KLHL1: variants seen among roughly 807,000 people sequenced by gnomAD.
The protein encoded by KLHL1 is kelch-like protein 1.
In KLHL1, 47 loss-of-function variants were observed where a neutral mutation model predicts 77.7. That is an observed-to-expected ratio of 0.60 (90% confidence interval 0.48 to 0.77). KLHL1 has a LOEUF of 0.77. Ranked by LOEUF, KLHL1 falls within the 30% of genes least tolerant of loss-of-function variation. The probability of loss-of-function intolerance (pLI) is 0.00; values close to 1 mark genes in which losing one functional copy is unlikely to be tolerated. For missense variants in KLHL1, 925 were observed against 910.8 expected (o/e 1.02, Z -0.20); for synonymous variants, 360 against 325.2 (o/e 1.11, Z -1.15).
chr13:69,823,716 A>T (rs1878432693), intron 6 of KLHL1, among the ~76,000 whole-genome samples: 1 of 152,074 alleles, frequency 6.6e-6, no homozygotes, highest in Non-Finnish European at 1.5e-5. Flanking sequence ...CACTACATGG[A>T]TACTGGGACT....
At chr13:69,749,573 C>G (rs1874380938) in intron 7 of KLHL1, among the ~76,000 whole-genome samples, 1 of 152,050 alleles carries the variant, frequency 6.6e-6, no homozygotes, top group Non-Finnish European at 1.5e-5. Context: ...AAGAAACAAA[C>G]TATCGTTAAT....
chr13:69,981,792 T>TA lies in KLHL1; in HGVS notation c.498-5991dup, dbSNP rs1022278029. Among the ~76,000 whole-genome samples, 29 of 146,758 alleles carry TA rather than the reference T, an allele frequency of 2.0e-4. No homozygotes were observed. In the South Asian group the frequency reaches 4.2e-3, roughly 21 times the overall value. ...TTCAAAGTTCAAAAAGTGCCCAAAA[T>TA]AAAAAAAAATCTAAAAAAATTCTAA... is the stretch of plus-strand genomic sequence containing the variant. On this transcript the variant is annotated intron_variant, in intron 1 of 10. Transcript: ENST00000377844.
At chr13:69,918,574 G>C (rs762989354) in intron 4 of KLHL1, among the ~76,000 whole-genome samples, 9 of 151,242 alleles carry the variant, frequency 6.0e-5, no homozygotes, top group Non-Finnish European at 1.2e-4. Flanking sequence ...TACACACTTA[G>C]TTAATGGCAG....
At chr13:69,977,106 A>G (rs112009494) in intron 1 of KLHL1, among the ~76,000 whole-genome samples, 5 of 152,220 alleles carry the variant, frequency 3.3e-5, no homozygotes, top group African/African-American at 9.6e-5. Flanking sequence ...TTAGGAAAAG[A>G]CATTCTTATA....
At chr13:69,780,724 A>G (rs1160767653) in intron 7 of KLHL1, among the ~76,000 whole-genome samples, 5 of 60,934 alleles carry the variant, frequency 8.2e-5, no homozygotes, top group East Asian at 7.5e-4. Flanking sequence ...ATGTATATAT[A>G]TATATATACA....
At chr13:69,774,740 A>ATAT in intron 7 of KLHL1, among the ~76,000 whole-genome samples, 1 of 152,136 alleles carries the variant, frequency 6.6e-6, no homozygotes, top group East Asian at 1.9e-4. Context: ...TAATGCAATA[A>ATAT]TATTTTCTTG....
intron 4 of KLHL1, among the ~76,000 whole-genome samples, chr13:69,936,948 T>C (rs1404305601): frequency 1.3e-5 from 2 of 152,168 alleles, no homozygotes; most frequent in Non-Finnish European, 2.9e-5. Context: ...CCTACATATC[T>C]TCCTGCAACT....
intron 2 of KLHL1, among the ~76,000 whole-genome samples, chr13:69,964,033 ATTTT>A (rs142377988): frequency 8.7e-6 from 1 of 115,052 alleles, no homozygotes; most frequent in African/African-American, 3.3e-5. Flanking sequence ...CACTGTTGGA[ATTTT>A]TTTGTCAGTT....
At chr13:70,028,960 T>A (rs1348975453) in intron 1 of KLHL1, among the ~76,000 whole-genome samples, 1 of 140,266 alleles carries the variant, frequency 7.1e-6, no homozygotes, top group Admixed American at 7.6e-5. Flanking sequence ...CCAGCTTGGA[T>A]GACAGAGTGA....
chr13:70,004,183 T>G (rs572748025), intron 1 of KLHL1, among the ~76,000 whole-genome samples: 2 of 151,952 alleles, frequency 1.3e-5, no homozygotes, highest in East Asian at 3.9e-4. Flanking sequence ...TGAATATAAA[T>G]GGAAGGTCAG....
chr13:69,916,074 A>C (rs561480087), intron 4 of KLHL1, among the ~76,000 whole-genome samples: 2 of 152,278 alleles, frequency 1.3e-5, no homozygotes, highest in East Asian at 3.9e-4. Context: ...GGCAATCATT[A>C]AAAAGTCAGG....
Position 69,896,862 on chromosome 13 carries a change from G to A in KLHL1, c.1015-14367C>T, listed in dbSNP as rs113693968. ...AATTTTTGTATTTTTTAATAGAAAC[G>A]GGGTTTCACCATATTGGCCAGGCTG... On this transcript the variant is annotated intron_variant, in intron 4 of 10. Coordinates refer to ENST00000377844, the MANE Select transcript of KLHL1 (RefSeq NM_020866.3). Among the ~76,000 whole-genome samples the A allele has an allele frequency of 7.6e-4, 116 of 151,884 alleles. 1 individual carries two copies. The highest frequency in any genetic ancestry group is 2.6e-3 in the African/African-American group (109 of 41,424).
At chr13:69,835,260 G>T (rs1878940282) in intron 6 of KLHL1, among the ~76,000 whole-genome samples, 1 of 152,120 alleles carries the variant, frequency 6.6e-6, no homozygotes, top group Non-Finnish European at 1.5e-5. Flanking sequence ...AGGCTGAAAT[G>T]CCCTCTAATT....
chr13:69,939,378 T>TATATATACACACAC (rs1200160699), intron 4 of KLHL1, among the ~76,000 whole-genome samples: 17 of 70,808 alleles, frequency 2.4e-4, no homozygotes, highest in African/African-American at 3.2e-4. Flanking sequence ...TATATATATA[T>TATATATACACACAC]ACACACACAC....
intron 1 of KLHL1, among the ~76,000 whole-genome samples, chr13:70,027,193 T>C (rs1885970565): frequency 6.6e-6 from 1 of 152,138 alleles, no homozygotes; most frequent in Non-Finnish European, 1.5e-5. Flanking sequence ...TTTTTAAAAG[T>C]ATAACATTTT....
intron 1 of KLHL1, among the ~76,000 whole-genome samples, chr13:70,027,649 G>GTTTTTTTTTTTTTTTTT (rs1185282462): frequency 2.7e-5 from 3 of 109,332 alleles, no homozygotes; most frequent in African/African-American, 4.0e-5. Context: ...CAAAATGTAA[G>GTTTTTTTTTTTTTTTTT]TTGTTTTTTT....
At chr13:69,849,827 T>G (rs545776825) in intron 5 of KLHL1, among the ~76,000 whole-genome samples, 1 of 151,644 alleles carries the variant, frequency 6.6e-6, no homozygotes, top group African/African-American at 2.4e-5. Flanking sequence ...TTACTGTCAT[T>G]CTTGAATCTA....
At chr13:70,075,569 G>GTATATATATATATATATATA (rs1555295388) in intron 1 of KLHL1, among the ~76,000 whole-genome samples, 1,272 of 105,756 alleles carry the variant, frequency 0.012, 12 homozygotes, top group Non-Finnish European at 0.016. Flanking sequence ...GTGTGTATGT[G>GTATATATATATATATATATA]TATATATATA....
At chr13:69,727,521 T>C (rs9542057) in intron 8 of KLHL1, among the ~76,000 whole-genome samples, 66,807 of 151,768 alleles carry the variant, frequency 0.44, 15,178 homozygotes, top group African/African-American at 0.54. Flanking sequence ...TGATTTGGTA[T>C]GGCTGGGACA....
Sources: gnomAD v4.1 joint callset for allele counts (sites outside exome capture counted in the v4.1 genomes callset) on GRCh38, gnomAD v4.1.1 for gene constraint, MANE v1.5 for transcripts, NCBI Gene and HGNC (gene_info 2026-07-23, HGNC 2026-07-21) for gene names.